FAM114A2: variants seen among roughly 807,000 people sequenced by gnomAD.
FAM114A2 encodes the protein protein FAM114A2.
A neutral mutation model predicts 58.4 loss-of-function variants in FAM114A2; 53 were observed. The ratio of observed to expected loss-of-function variants is 0.91; its 90% CI spans 0.73 to 1.14. The LOEUF (loss-of-function observed/expected upper bound fraction) is 1.14, where lower values mean the gene tolerates loss of function less well. FAM114A2 is among the 50% of genes most tolerant of loss of function. The pLI, the probability that FAM114A2 is intolerant of heterozygous loss-of-function variation, is 0.00. For synonymous variants in FAM114A2, 228 were observed against 211.4 expected (o/e 1.08, Z -0.68); for missense variants, 601 against 581.1 (o/e 1.03, Z -0.35).
intron 4 of FAM114A2, among the ~76,000 whole-genome samples, chr5:154,032,316 G>A (rs1037771320): frequency 2.0e-5 from 3 of 152,146 alleles, no homozygotes; most frequent in African/African-American, 7.2e-5. Context: ...ACTTGATTGA[G>A]ACCTGTCTCA....
intron 11 of FAM114A2, among the ~76,000 whole-genome samples, chr5:153,998,797 TTC>T (rs1195100587): frequency 6.6e-6 from 1 of 152,224 alleles, no homozygotes; most frequent in East Asian, 1.9e-4. Flanking sequence ...GCCTCAGATA[TTC>T]TGTTACAGTA....
intron 8 of FAM114A2, among the ~76,000 whole-genome samples, chr5:154,012,756 A>G (rs949598403): frequency 3.9e-5 from 6 of 152,150 alleles, no homozygotes; most frequent in Non-Finnish European, 7.3e-5. Context: ...ACTGCTAATA[A>G]TATCCTACTA....
At position 154,029,500 on chromosome 5, in the gene FAM114A2, C is replaced by T; in HGVS notation, c.484G>A (p.Val162Ile). ...FGVFSTISTA[V>I]QSTGKSVISG... ...ACTTTTTTACTTACTGTGCTCTGAA[C>T]AGCAGTAGAGATGGTAGAGAATACA... is the stretch of plus-strand genomic sequence containing the variant. Residue 162 changes from valine to isoleucine, a missense_variant, in exon 5 of 14, where the codon GTT becomes ATT. Physicochemically the swap from Val to Ile is conservative, Grantham distance 29. Coordinates refer to ENST00000351797, the MANE Select transcript of FAM114A2 (RefSeq NM_018691.4). 5 of 1,597,216 alleles carry T rather than the reference C, an allele frequency of 3.1e-6. No homozygotes were observed. Among genetic ancestry groups the T allele is most frequent in the Non-Finnish European group, 4.3e-6 (5 of 1,165,262 alleles).
chr5:154,034,465 T>C (rs1011402926), intron 2 of FAM114A2, 88 bp from the exon 3 acceptor site: 1 of 792,630 alleles, frequency 1.3e-6, no homozygotes, highest in African/African-American at 1.7e-5. Context: ...GGTATCTAAT[T>C]ATTAGCCAAA....
intron 8 of FAM114A2, among the ~76,000 whole-genome samples, chr5:154,016,197 G>T (rs1469066957): frequency 6.6e-6 from 1 of 152,018 alleles, no homozygotes; most frequent in African/African-American, 2.4e-5. Flanking sequence ...ACATTTGGGG[G>T]AATAATCGAG....
chr5:153,999,970 T>C (rs1036090748), intron 11 of FAM114A2, among the ~76,000 whole-genome samples: 2 of 152,146 alleles, frequency 1.3e-5, no homozygotes, highest in Non-Finnish European at 2.9e-5. Context: ...TGTGTGTGTA[T>C]ATATGTATAT....
At chr5:154,009,605 C>A (rs1008058157) in intron 9 of FAM114A2, among the ~76,000 whole-genome samples, 1 of 152,136 alleles carries the variant, frequency 6.6e-6, no homozygotes, top group African/African-American at 2.4e-5. Flanking sequence ...TAAACTTTAA[C>A]TGTACAGAAC....
At chr5:154,029,410 CAAAGA>C in intron 5 of FAM114A2, 74 bp downstream of exon 5, 1 of 861,382 alleles carries the variant, frequency 1.2e-6, no homozygotes, top group Non-Finnish European at 1.9e-6. Flanking sequence ...CATGGCTGTT[CAAAGA>C]AAAGAGAGAG....
At chr5:154,028,726 T>C (rs1306946125) in intron 5 of FAM114A2, among the ~76,000 whole-genome samples, 1 of 152,224 alleles carries the variant, frequency 6.6e-6, no homozygotes, top group Admixed American at 6.5e-5. Flanking sequence ...AGGTAAATTA[T>C]ACAAATATAA....
At chr5:154,008,863 G>T (rs973922558) in intron 9 of FAM114A2, among the ~76,000 whole-genome samples, 1 of 152,150 alleles carries the variant, frequency 6.6e-6, no homozygotes. Flanking sequence ...ATATTGTTGG[G>T]AGACAAGGTT....
At chr5:154,020,045 C>G (rs974533510) in intron 8 of FAM114A2, among the ~76,000 whole-genome samples, 4 of 152,090 alleles carry the variant, frequency 2.6e-5, no homozygotes, top group Admixed American at 2.6e-4. Flanking sequence ...CCTGAATGAC[C>G]ACTGGGTACC....
rs569215139 is a variant in FAM114A2, at chr5:154,011,150, C to T, written c.993+91G>A. The T allele has an allele frequency of 3.0e-5, 30 of 996,552 alleles. No homozygotes were observed. In the South Asian group the frequency reaches 3.6e-4, roughly 12 times the overall value. The allele number at this position is 996,552 out of a possible 1,614,324, so 61.7% of individuals were successfully genotyped here. ...GAGAATATACCTTCGATTTTGGTGA[C>T]ACCTCTGCCAGGAATTTATAATCTT... On this transcript the variant is annotated intron_variant, in intron 9 of 13. Transcript: ENST00000351797.
chr5:154,003,463 G>C (rs955177488), intron 9 of FAM114A2, among the ~76,000 whole-genome samples: 3 of 152,152 alleles, frequency 2.0e-5, no homozygotes, highest in African/African-American at 7.2e-5. Flanking sequence ...ACAGGCATGA[G>C]CCACTGCGCC....
chr5:154,020,523 C>T (rs1030761160), intron 8 of FAM114A2, among the ~76,000 whole-genome samples: 7 of 152,096 alleles, frequency 4.6e-5, no homozygotes, highest in African/African-American at 1.7e-4. Flanking sequence ...AACACCTCTA[C>T]ACAAATAAAC....
rs1020389523 is a variant in FAM114A2 at position 153,992,946 on chromosome 5, A to G, written c.*30T>C. 4.4e-6 allele frequency: 7 copies of G among 1,598,686 alleles called. No individual in the cohort carries two copies. The highest frequency in any genetic ancestry group is 3.4e-5 in the Admixed American group (2 of 58,908). ...AATAAGGTGGCATTCCTTGGCCGTCACAAGTCCCAGGTCAAAACGTCTCCA... is the reference window on the plus strand; with the variant it reads ...AATAAGGTGGCATTCCTTGGCCGTCGCAAGTCCCAGGTCAAAACGTCTCCA... On this transcript the variant is annotated 3_prime_UTR_variant, in exon 14 of 14. Transcript: ENST00000351797.
chr5:154,021,661 T>C (rs1441958433), intron 8 of FAM114A2, among the ~76,000 whole-genome samples: 1 of 152,120 alleles, frequency 6.6e-6, no homozygotes, highest in Non-Finnish European at 1.5e-5. Flanking sequence ...CACAAACAAA[T>C]GGAAGAACAT....
chr5:154,027,215 T>C lies in FAM114A2; in HGVS notation c.750A>G (p.Leu250=). 1 of 1,613,516 alleles carries C rather than the reference T, an allele frequency of 6.2e-7. No homozygotes were observed. Residue 250 remains leucine (L), a synonymous_variant, in exon 7 of 14, where the codon CTA becomes CTG. Transcript: ENST00000351797. ...CTTGGGAAAGCATCTCCAGAGCTTC[T>C]AGATGTGAAAGGCCTTGAAATTCAT... ...LFDEFQGLSH[L]EALEMLSQES...
intron 8 of FAM114A2, among the ~76,000 whole-genome samples, chr5:154,016,827 G>T (rs765318475): frequency 4.6e-5 from 7 of 151,996 alleles, no homozygotes; most frequent in Non-Finnish European, 8.8e-5. Flanking sequence ...CCACTTAAAA[G>T]ACACAGAATT....
At chr5:154,020,966 T>C (rs908661408) in intron 8 of FAM114A2, among the ~76,000 whole-genome samples, 1 of 152,134 alleles carries the variant, frequency 6.6e-6, no homozygotes, top group African/African-American at 2.4e-5. Flanking sequence ...GTTGGCTTTA[T>C]CCCTGGGATG....
Sources: gnomAD v4.1 joint callset for allele counts (sites outside exome capture counted in the v4.1 genomes callset) on GRCh38, gnomAD v4.1.1 for gene constraint, MANE v1.5 for transcripts, NCBI Gene and HGNC (gene_info 2026-07-23, HGNC 2026-07-21) for gene names.